EPN3: variants seen among roughly 807,000 people sequenced by gnomAD.
The protein encoded by EPN3 is epsin-3.
EPN3 carries 56 observed loss-of-function variants against 55.5 expected under a neutral mutation model. The ratio of observed to expected loss-of-function variants is 1.01; its 90% CI spans 0.81 to 1.26. The LOEUF (loss-of-function observed/expected upper bound fraction) is 1.26. Ranked by LOEUF, EPN3 falls within the 50% of genes most tolerant of loss-of-function variation. EPN3 has a pLI of 0.00. For missense variants in EPN3, 927 were observed against 853.4 expected, an observed-to-expected ratio of 1.09 and a Z score of -1.07; for synonymous variants, 449 against 375.2, an observed-to-expected ratio of 1.20 and a Z score of -2.27.
In EPN3 at chr17:50,532,909, CCG is replaced by C. The variant is rs2034692613; in HGVS notation, c.-211_-210del. ...GAGACGCTCCCGAGGCTGTGCCGTCCCGCTGCTGCACAGGTCGGAGGGTCACC... is the reference window on the plus strand; with the variant it reads ...GAGACGCTCCCGAGGCTGTGCCGTCCCTGCTGCACAGGTCGGAGGGTCACC... On this transcript the variant is annotated 5_prime_UTR_variant, in exon 1 of 10. It introduces an in-frame stop codon into an upstream open reading frame of the 5' UTR. Transcript: ENST00000268933. 7.8e-7 allele frequency: 1 copy of C among 1,285,034 alleles called. No individual in the cohort carries two copies. Among genetic ancestry groups the C allele is most frequent in the Non-Finnish European group, 1.0e-6 (1 of 987,232 alleles). The allele number at this position is 1,285,034 out of a possible 1,614,324, so 79.6% of individuals were successfully genotyped here.
intron 1 of EPN3, among the ~76,000 whole-genome samples, chr17:50,534,972 T>TGTGC (rs1391773695): frequency 6.6e-6 from 1 of 152,146 alleles, no homozygotes; most frequent in Non-Finnish European, 1.5e-5. Flanking sequence ...ACAGTGTGTG[T>TGTGC]GTGCATGCAC....
Position 50,533,001 on chromosome 17 carries a change from G to A in EPN3, c.-137+16G>A, listed in dbSNP as rs1046839988. 1 of 1,271,170 alleles carries A rather than the reference G, an allele frequency of 7.9e-7. No individual in the cohort carries two copies. The highest frequency in any genetic ancestry group is 1.5e-5 in the African/African-American group (1 of 65,156). 78.7% of individuals were successfully genotyped at this position (1,271,170 alleles called of 1,614,324 possible). The stretch of plus-strand genomic sequence containing the variant: ...CGCACTGGAGGTAAGCTTCCTCCCT[G>A]GCCCCCTCCCTGGCAGTGGCGGCAT... On this transcript the variant is annotated intron_variant, in intron 1 of 9. Coordinates refer to ENST00000268933, the MANE Select transcript of EPN3 (RefSeq NM_017957.3).
Position 50,537,087 on chromosome 17 carries a change from C to A in EPN3, c.531C>A (p.Ser177Arg), listed in dbSNP as rs1465722542. ...GCCGCCGCTACGGCGAGGACTACAGCCGCTCCCGGGGCTCCCCGTCCTCCT... is the reference window on the plus strand; with the variant it reads ...GCCGCCGCTACGGCGAGGACTACAGACGCTCCCGGGGCTCCCCGTCCTCCT... Reference protein sequence around the residue: ...GFSRRYGEDYSRSRGSPSSYN... With the variant: ...GFSRRYGEDYRRSRGSPSSYN... Residue 177 changes from serine (S) to arginine (R), a missense_variant, in exon 2 of 10, where the codon AGC becomes AGA. By Grantham distance (110) the Ser-to-Arg change is moderately radical (BLOSUM62 -1). Transcript: ENST00000268933. The A allele has an allele frequency of 6.2e-7, 1 of 1,609,480 alleles. No homozygotes were observed. The highest frequency in any genetic ancestry group is 1.3e-5 in the African/African-American group (1 of 74,904).
chr17:50,536,538 C>A lies in EPN3; in HGVS notation c.-19C>A. On this transcript the variant is annotated 5_prime_UTR_variant, in exon 2 of 10. Coordinates refer to ENST00000268933, the MANE Select transcript of EPN3 (RefSeq NM_017957.3). ...ACCTCCGGCGGGGGCGAGGGCCACCCACCTCCAAGTCTCCAGCCATGACGA... is the reference window on the plus strand; with the variant it reads ...ACCTCCGGCGGGGGCGAGGGCCACCAACCTCCAAGTCTCCAGCCATGACGA... 3 of 1,613,238 alleles carry A rather than the reference C, an allele frequency of 1.9e-6. No individual in the cohort carries two copies. Among genetic ancestry groups the A allele is most frequent in the South Asian group, 1.1e-5 (1 of 91,082 alleles).
rs759328394 is a variant in EPN3, at chr17:50,537,061, A to AGCC, written c.511_513dup (p.Arg171dup). On this transcript the variant is annotated inframe_insertion, in exon 2 of 10. Transcript: ENST00000268933. ...CATTGGCAGTGGGCAGCTGGGCTTC[A>AGCC]GCCGCCGCTACGGCGAGGACTACAG... 110 of 1,610,246 alleles carry AGCC rather than the reference A, an allele frequency of 6.8e-5. No individual in the cohort carries two copies. Among genetic ancestry groups the AGCC allele is most frequent in the Non-Finnish European group, 9.3e-5 (110 of 1,179,312 alleles).
rs1395097413 is a variant in EPN3 at position 50,534,057 on chromosome 17, C to T, written c.-137+1072C>T. Among the ~76,000 whole-genome samples, 5 of 152,100 alleles carry T rather than the reference C, an allele frequency of 3.3e-5. No homozygotes were observed. The East Asian group carries it at 7.7e-4, about 23-fold the overall frequency. ...TCCCAGCTGCTCCCTCCCGCGTTCCCGCGTTCCTTCCTTTCCTCCTCCCTT... is the reference window on the plus strand; with the variant it reads ...TCCCAGCTGCTCCCTCCCGCGTTCCTGCGTTCCTTCCTTTCCTCCTCCCTT... On this transcript the variant is annotated intron_variant, in intron 1 of 9. Coordinates refer to ENST00000268933, the MANE Select transcript of EPN3 (RefSeq NM_017957.3).
Position 50,538,088 on chromosome 17 carries a change from C to A in EPN3, c.572C>A (p.Ser191Ter), listed in dbSNP as rs748150140. Residue 191 changes from serine to a stop codon, truncating the protein, a stop_gained, in exon 3 of 10, where the codon TCG (serine) becomes TAG (stop). Coordinates refer to ENST00000268933, the MANE Select transcript of EPN3 (RefSeq NM_017957.3). LOFTEE classifies it high-confidence loss of function. ...GSPSSYNSSS[S>*]SPRYTSDLEQ... ...ATGATGGTCATTGCAGCCTCCTCTT[C>A]GTCACCCCGCTATACCTCCGACCTG... The A allele has an allele frequency of 1.2e-6, 2 of 1,613,576 alleles. No homozygotes were observed. The highest frequency in any genetic ancestry group is 1.7e-6 in the Non-Finnish European group (2 of 1,179,728).
chr17:50,536,527 C>T lies in EPN3; in HGVS notation c.-30C>T, dbSNP rs746826857. 4.3e-6 allele frequency: 7 copies of T among 1,612,114 alleles called. No individual in the cohort carries two copies. Among genetic ancestry groups the T allele is most frequent in the South Asian group, 3.3e-5 (3 of 91,074 alleles). On this transcript the variant is annotated 5_prime_UTR_variant, in exon 2 of 10. Coordinates refer to ENST00000268933, the MANE Select transcript of EPN3 (RefSeq NM_017957.3). ...CTCAGCCCTCCACCTCCGGCGGGGG[C>T]GAGGGCCACCCACCTCCAAGTCTCC...
intron 5 of EPN3, among the ~76,000 whole-genome samples, chr17:50,539,740 C>G (rs2034819464): frequency 6.6e-6 from 1 of 152,256 alleles, no homozygotes; most frequent in African/African-American, 2.4e-5. Flanking sequence ...CATATTTTCT[C>G]CGCATGGGGA....
At chr17:50,538,567 C>T (rs1023962393) in intron 3 of EPN3, 7 of 428,586 alleles carry the variant, frequency 1.6e-5, no homozygotes, top group East Asian at 3.6e-5. Context: ...GACAGGCCCC[C>T]GATATCATCA....
chr17:50,543,267 C>T lies in EPN3; in HGVS notation c.*1110C>T, dbSNP rs949359001. 6.6e-6 allele frequency: 1 copy of T among 152,234 alleles called. No individual in the cohort carries two copies. Among genetic ancestry groups the T allele is most frequent in the Non-Finnish European group, 1.5e-5 (1 of 68,060 alleles). 9.4% of individuals were successfully genotyped at this position (152,234 alleles called of 1,614,324 possible). ...CTCTCCCTTGCTTCGCCAAGGCTAG[C>T]GAGAAACTCAGTCTTAGCCACACAG... On this transcript the variant is annotated 3_prime_UTR_variant, in exon 10 of 10. Coordinates refer to ENST00000268933, the MANE Select transcript of EPN3 (RefSeq NM_017957.3).
chr17:50,542,455 G>A lies in EPN3; in HGVS notation c.*298G>A. 1 of 359,898 alleles carries A rather than the reference G, an allele frequency of 2.8e-6. No individual in the cohort carries two copies. Among genetic ancestry groups the A allele is most frequent in the Non-Finnish European group, 5.0e-6 (1 of 200,654 alleles). The allele number at this position is 359,898 out of a possible 1,614,324, so 22.3% of individuals were successfully genotyped here. A position where few individuals can be genotyped will look rare whatever the true frequency, so the allele number is the denominator to read the frequency against. On this transcript the variant is annotated 3_prime_UTR_variant, in exon 10 of 10. Coordinates refer to ENST00000268933, the MANE Select transcript of EPN3 (RefSeq NM_017957.3). Reference sequence around the variant, plus strand: ...ACCGGCTGTTTAGGAAACTGCAGCTGCACAACGTGGGGTGCAAAACTGCCC... The same window carrying A: ...ACCGGCTGTTTAGGAAACTGCAGCTACACAACGTGGGGTGCAAAACTGCCC...
intron 3 of EPN3, chr17:50,538,425 G>A: frequency 1.8e-6 from 1 of 562,888 alleles, no homozygotes; most frequent in Non-Finnish European, 3.2e-6. Context: ...ACAATTAGGG[G>A]CACATGCTAT....
intron 4 of EPN3, 48 bp from the exon 5 acceptor site, chr17:50,539,139 T>G: frequency 6.2e-7 from 1 of 1,608,442 alleles, no homozygotes; most frequent in Non-Finnish European, 8.5e-7. Context: ...GTCCCCGGAT[T>G]CCCGCCTGAG....
intron 4 of EPN3, 101 bp downstream of exon 4, chr17:50,539,065 C>T (rs1185937431): frequency 6.5e-6 from 10 of 1,543,940 alleles, no homozygotes; most frequent in Non-Finnish European, 8.8e-6. Context: ...GGTGGCCCTG[C>T]TGCTCCTAAC....
chr17:50,537,049 C>T lies in EPN3; in HGVS notation c.493C>T (p.Gln165Ter), dbSNP rs1451404858. ...GGAGGGCATCGGCATTGGCAGTGGG[C>T]AGCTGGGCTTCAGCCGCCGCTACGG... ...ALEGIGIGSG[Q>*]LGFSRRYGED... The change falls in exon 2 of 10, where the codon CAG becomes TAG. Residue 165 changes from glutamine to a stop codon, truncating the protein, a stop_gained. Transcript: ENST00000268933. LOFTEE classifies it high-confidence loss of function. 6.2e-7 allele frequency: 1 copy of T among 1,612,028 alleles called. No individual in the cohort carries two copies. The highest frequency in any genetic ancestry group is 2.2e-5 in the East Asian group (1 of 44,868).
intron 1 of EPN3, chr17:50,534,710 T>A: frequency 1.1e-6 from 1 of 943,310 alleles, no homozygotes; most frequent in South Asian, 4.9e-5. Flanking sequence ...GGTATCTTAT[T>A]CTCTGGGCCC....
In EPN3 at chr17:50,542,031, C is replaced by A. The variant is rs780362216; in HGVS notation, c.1773C>A (p.Thr591=). The A allele has an allele frequency of 3.8e-6, 6 of 1,596,282 alleles. No individual in the cohort carries two copies. The highest frequency in any genetic ancestry group is 1.1e-5 in the South Asian group (1 of 90,668). ...LPLSSVPAGL[T]LPASVSVFPQ... is the part of the protein sequence containing the mutation. ...TCAGCAGCGTGCCAGCTGGCTTGAC[C>A]CTCCCCGCCTCGGTTAGCGTCTTCC... Residue 591 remains threonine, a synonymous_variant, in exon 10 of 10, where the codon ACC becomes ACA. Coordinates refer to ENST00000268933, the MANE Select transcript of EPN3 (RefSeq NM_017957.3).
rs2034870767 is a variant in EPN3, at chr17:50,543,149, G to A, written c.*992G>A. ...AGCTCGAGCGCAGCAGGGTAGACAA[G>A]CCAGGGGCACGTGATGCGGCTGTGG... is the stretch of plus-strand genomic sequence containing the variant. On this transcript the variant is annotated 3_prime_UTR_variant, in exon 10 of 10. Coordinates refer to ENST00000268933, the MANE Select transcript of EPN3 (RefSeq NM_017957.3). 1.3e-5 allele frequency: 2 copies of A among 152,410 alleles called. No individual in the cohort carries two copies. The highest frequency in any genetic ancestry group is 4.1e-4 in the South Asian group (2 of 4,832). 9.4% of individuals were successfully genotyped at this position (152,410 alleles called of 1,614,324 possible). A position where few individuals can be genotyped will look rare whatever the true frequency, so the allele number is the denominator to read the frequency against.
Sources: allele counts gnomAD v4.1 joint callset (sites outside exome capture counted in the v4.1 genomes callset), GRCh38; gene constraint gnomAD v4.1.1; transcripts MANE v1.5; gene names NCBI Gene and HGNC (gene_info 2026-07-23, HGNC 2026-07-21).